SLC13A4: variants seen among roughly 807,000 people sequenced by gnomAD.
The protein encoded by SLC13A4 is solute carrier family 13 member 4.
SLC13A4 carries 28 observed loss-of-function variants against 72.7 expected under a neutral mutation model. That is an observed-to-expected ratio of 0.39 (90% confidence interval 0.29 to 0.53). The LOEUF is 0.53. SLC13A4 is among the 20% of genes least tolerant of loss of function. The probability of loss-of-function intolerance (pLI) is 0.78; values close to 1 mark genes in which losing one functional copy is unlikely to be tolerated. For missense variants in SLC13A4, 653 were observed against 788.0 expected (o/e 0.83, Z 2.05); for synonymous variants, 312 against 325.5 (o/e 0.96, Z 0.45).
intron 2 of SLC13A4, among the ~76,000 whole-genome samples, chr7:135,717,048 G>A (rs1336363688): frequency 2.0e-5 from 3 of 152,122 alleles, no homozygotes; most frequent in Non-Finnish European, 4.4e-5. Context: ...TTCTGCCACC[G>A]TACATTAGCA....
chr7:135,725,574 G>T (rs1395935141), intron 1 of SLC13A4, among the ~76,000 whole-genome samples: 2 of 152,138 alleles, frequency 1.3e-5, no homozygotes, highest in Non-Finnish European at 2.9e-5. Flanking sequence ...CATCAAAACT[G>T]CAGGCCAGGA....
intron 1 of SLC13A4, among the ~76,000 whole-genome samples, chr7:135,722,692 A>T (rs1367750176): frequency 6.6e-6 from 1 of 152,178 alleles, no homozygotes; most frequent in Non-Finnish European, 1.5e-5. Context: ...AGTAAATTTT[A>T]ATCAAATAAA....
intron 7 of SLC13A4, among the ~76,000 whole-genome samples, chr7:135,700,789 C>A (rs1355652937): frequency 6.6e-6 from 1 of 152,142 alleles, no homozygotes; most frequent in Admixed American, 6.5e-5. Flanking sequence ...GGACTACAGG[C>A]ATGCACCACC....
intron 5 of SLC13A4, chr7:135,705,266 T>A (rs1341845624): frequency 3.8e-6 from 1 of 261,890 alleles, no homozygotes; most frequent in East Asian, 7.0e-5. Flanking sequence ...AACATACTAT[T>A]TTCCTAAAAG....
chr7:135,691,526 C>T (rs1173388672), intron 12 of SLC13A4, 22 bp downstream of exon 12: 27 of 1,586,166 alleles, frequency 1.7e-5, no homozygotes, highest in Non-Finnish European at 2.3e-5. Context: ...AGAGCTACCC[C>T]CAGTTTCTTC....
At chr7:135,702,544 T>A (rs1273256011) in intron 6 of SLC13A4, 1 of 295,480 alleles carries the variant, frequency 3.4e-6, no homozygotes, top group Non-Finnish European at 6.5e-6. Flanking sequence ...CCCAGCTAAT[T>A]TTTGTATTTT....
intron 2 of SLC13A4, among the ~76,000 whole-genome samples, chr7:135,719,780 C>CGT (rs535749594): frequency 0.1 from 13,815 of 138,564 alleles, 810 homozygotes; most frequent in African/African-American, 0.18. Context: ...CTCAATGCCA[C>CGT]ATGTGTGTGT....
intron 3 of SLC13A4, 83 bp downstream of exon 3, chr7:135,708,031 G>T: frequency 2.0e-6 from 3 of 1,522,630 alleles, no homozygotes; most frequent in African/African-American, 2.7e-5. Flanking sequence ...TGGACATCCC[G>T]CAGTGACCTG....
intron 13 of SLC13A4, among the ~76,000 whole-genome samples, chr7:135,687,290 A>G (rs1307227939): frequency 6.6e-6 from 1 of 152,194 alleles, no homozygotes; most frequent in Non-Finnish European, 1.5e-5. Context: ...TGCGAATGCA[A>G]TGACAATATG....
chr7:135,706,054 C>G (rs950604825), intron 4 of SLC13A4, 74 bp downstream of exon 4: 4 of 1,479,716 alleles, frequency 2.7e-6, no homozygotes, highest in Middle Eastern at 1.8e-4. Context: ...GGCAGTCTCC[C>G]TAGAGGAGCC....
chr7:135,725,177 A>G (rs1796630439), intron 1 of SLC13A4, among the ~76,000 whole-genome samples: 1 of 152,236 alleles, frequency 6.6e-6, no homozygotes, highest in African/African-American at 2.4e-5. Context: ...AGTAAAGGAA[A>G]GAGTTCGAAA....
chr7:135,702,661 C>A, intron 6 of SLC13A4, 184 bp downstream of exon 6: 2 of 600,706 alleles, frequency 3.3e-6, no homozygotes, highest in Non-Finnish European at 6.0e-6. Flanking sequence ...CAGGCATGAG[C>A]CACCACGCCC....
chr7:135,691,750 T>C (rs1795792465), intron 11 of SLC13A4, 105 bp from the exon 12 acceptor site: 1 of 718,276 alleles, frequency 1.4e-6, no homozygotes, highest in African/African-American at 1.8e-5. Flanking sequence ...TTTTAGGACT[T>C]ATCTAGAGGT....
At position 135,706,240 on chromosome 7, in the gene SLC13A4, G is replaced by A; in HGVS notation, c.426C>T (p.Ser142=). 2.5e-6 allele frequency: 4 copies of A among 1,613,950 alleles called. No individual in the cohort carries two copies. The highest frequency in any genetic ancestry group is 3.4e-6 in the Non-Finnish European group (4 of 1,179,830). Reference sequence around the variant, plus strand: ...CGATGGGCATCACCATGGCGGTGGTGGAGGTGTTGGACAGCCACATGGACA... The same window carrying A: ...CGATGGGCATCACCATGGCGGTGGTAGAGGTGTTGGACAGCCACATGGACA... ...TLLSMWLSNT[S]TTAMVMPIVE... The change falls in exon 4 of 16, where the codon TCC becomes TCT. Residue 142 remains serine (S), a synonymous_variant. Transcript: ENST00000682651.
intron 9 of SLC13A4, 82 bp from the exon 10 acceptor site, chr7:135,694,320 G>C: frequency 1.2e-6 from 1 of 827,072 alleles, no homozygotes; most frequent in African/African-American, 1.7e-5. Context: ...ATACTAAACC[G>C]CTTGCCTGCT....
intron 13 of SLC13A4, among the ~76,000 whole-genome samples, chr7:135,687,206 T>C (rs769428944): frequency 2.6e-5 from 4 of 152,082 alleles, no homozygotes; most frequent in Non-Finnish European, 5.9e-5. Flanking sequence ...CAGGTTGCCA[T>C]ATGCATCCTG....
chr7:135,717,720 T>TG (rs1349795999), intron 2 of SLC13A4, among the ~76,000 whole-genome samples: 1 of 152,184 alleles, frequency 6.6e-6, no homozygotes. Flanking sequence ...GGGTGGACCA[T>TG]GGGGTGCCCA....
chr7:135,702,884 G>T lies in SLC13A4; in HGVS notation c.594C>A (p.Asp198Glu). 6.2e-7 allele frequency: 1 copy of T among 1,613,042 alleles called. No individual in the cohort carries two copies. Among genetic ancestry groups the T allele is most frequent in the Non-Finnish European group, 8.5e-7 (1 of 1,178,992 alleles). ...GAGTGGTGAGGTCTGCGTTGGACCT[G>T]CTGGAACCAAGCAGAGGACACAGGA... ...PSLELIFVNE[D>E]RSNADLTTLM... Residue 198 changes from aspartate to glutamate, a missense_variant and splice_region_variant, in exon 6 of 16, where the codon GAC becomes GAA. Physicochemically the swap from Asp to Glu is conservative, Grantham distance 45. Transcript: ENST00000682651.
At chr7:135,697,437 C>T (rs1467762651) in intron 8 of SLC13A4, among the ~76,000 whole-genome samples, 2 of 152,142 alleles carry the variant, frequency 1.3e-5, no homozygotes, top group African/African-American at 4.8e-5. Context: ...TCCTGAGACC[C>T]AGCAAGTGAC....
Sources: allele counts gnomAD v4.1 joint callset (sites outside exome capture counted in the v4.1 genomes callset), GRCh38; gene constraint gnomAD v4.1.1; transcripts MANE v1.5; gene names NCBI Gene and HGNC (gene_info 2026-07-23, HGNC 2026-07-21).